The following MAP2K5 variants were observed in gnomAD, a reference collection of about 807,000 sequenced individuals.
The protein encoded by MAP2K5 is dual specificity mitogen-activated protein kinase kinase 5.
A neutral mutation model predicts 83.1 loss-of-function variants in MAP2K5; 49 were observed. That is an observed-to-expected ratio of 0.59 (90% confidence interval 0.47 to 0.75). MAP2K5 has a LOEUF of 0.75. MAP2K5 is among the 30% of genes least tolerant of loss of function. The pLI, the probability that MAP2K5 is intolerant of heterozygous loss-of-function variation, is 0.00. For synonymous variants in MAP2K5, 202 were observed against 191.8 expected (o/e 1.05, Z -0.44); for missense variants, 457 against 557.5 (o/e 0.82, Z 1.82).
At chr15:67,743,960 C>T (rs207475571) in intron 17 of MAP2K5, among the ~76,000 whole-genome samples, 3 of 152,146 alleles carry the variant, frequency 2.0e-5, no homozygotes, top group Non-Finnish European at 4.4e-5. Flanking sequence ...AAAGTTCATG[C>T]GTTTTCCTCA....
chr15:67,793,418 T>G lies in MAP2K5; in HGVS notation c.1243-13228T>G, dbSNP rs2090551577. Among the ~76,000 whole-genome samples the G allele has an allele frequency of 6.6e-6, 1 of 152,204 alleles. No homozygotes were observed. The highest frequency in any genetic ancestry group is 1.5e-5 in the Non-Finnish European group (1 of 68,040). On this transcript the variant is annotated intron_variant, in intron 21 of 21. Transcript: ENST00000178640. The surrounding 1 kb of genome is among the most constrained non-coding windows in gnomAD (Gnocchi z 4.6). Reference sequence around the variant, plus strand: ...TGGTTGACCCCAAGCTGGTTTTTTGTTTTTGTTGTATAGTTTTGCTAGTAG... The same window carrying G: ...TGGTTGACCCCAAGCTGGTTTTTTGGTTTTGTTGTATAGTTTTGCTAGTAG...
chr15:67,783,092 T>C lies in MAP2K5; in HGVS notation c.1242+10340T>C, dbSNP rs1231312184. On this transcript the variant is annotated intron_variant, in intron 21 of 21. Coordinates refer to ENST00000178640, the MANE Select transcript of MAP2K5 (RefSeq NM_145160.3). The surrounding 1 kb of genome is among the most constrained non-coding windows in gnomAD (Gnocchi z 5.1). ...GTTGTGAGACATGGAGAGAAGCCGA[T>C]GTGGGAATCACAGATGTGCATTTCA... Among the ~76,000 whole-genome samples, 4 of 152,230 alleles carry C rather than the reference T, an allele frequency of 2.6e-5. No individual in the cohort carries two copies. The highest frequency in any genetic ancestry group is 1.3e-4 in the Admixed American group (2 of 15,286).
chr15:67,721,529 A>T (rs574493316), intron 16 of MAP2K5, among the ~76,000 whole-genome samples: 13 of 152,328 alleles, frequency 8.5e-5, no homozygotes, highest in African/African-American at 3.1e-4. Flanking sequence ...CACCCACTGC[A>T]CTAGAAGTCT....
intron 8 of MAP2K5, among the ~76,000 whole-genome samples, chr15:67,616,142 A>G (rs1370900884): frequency 6.7e-6 from 1 of 149,982 alleles, no homozygotes; most frequent in Non-Finnish European, 1.5e-5. Context: ...TTCTAAATTT[A>G]CATAAAAGCA....
At chr15:67,734,232 A>G (rs1809407926) in intron 17 of MAP2K5, among the ~76,000 whole-genome samples, 1 of 152,204 alleles carries the variant, frequency 6.6e-6, no homozygotes, top group African/African-American at 2.4e-5. Flanking sequence ...TTGTATTAAC[A>G]TGATCTAAGG....
At chr15:67,718,123 G>T (rs1321152177) in intron 16 of MAP2K5, 1 of 152,228 alleles carries the variant, frequency 6.6e-6, no homozygotes, top group Non-Finnish European at 1.5e-5. Flanking sequence ...GAGGCCAGAA[G>T]TATGAGAATA....
chr15:67,671,415 T>C (rs2087531804), intron 13 of MAP2K5, among the ~76,000 whole-genome samples: 1 of 152,192 alleles, frequency 6.6e-6, no homozygotes, highest in South Asian at 2.1e-4. Context: ...TGAAATGTTT[T>C]AAAACTGAAG....
intron 6 of MAP2K5, chr15:67,588,139 A>G (rs2085326076): frequency 1.0e-6 from 1 of 983,664 alleles, no homozygotes; most frequent in East Asian, 1.1e-4. Context: ...GCAGGTGAGC[A>G]GTGAAGAGCC....
In MAP2K5 at chr15:67,636,408, A is replaced by C. The variant is rs2086604936; in HGVS notation, c.585+5481A>C. On this transcript the variant is annotated intron_variant, in intron 9 of 21. Coordinates refer to ENST00000178640, the MANE Select transcript of MAP2K5 (RefSeq NM_145160.3). This position sits in a 1 kb window ranked among gnomAD's most constrained non-coding sequence, Gnocchi z 4.7. ...GGGCAACAGAATAAGACTCCGTCTC[A>C]AAAAAAAAAAAAAAGTATGAAATAT... Among the ~76,000 whole-genome samples, 1 of 136,332 alleles carries C rather than the reference A, an allele frequency of 7.3e-6. No homozygotes were observed. Among genetic ancestry groups the C allele is most frequent in the Non-Finnish European group, 1.6e-5 (1 of 61,648 alleles). 89.4% of individuals were successfully genotyped at this position (136,332 alleles called of 152,430 possible).
Position 67,777,228 on chromosome 15 carries a change from T to C in MAP2K5, c.1242+4476T>C, listed in dbSNP as rs1347679013. 1.3e-5 allele frequency among the ~76,000 whole-genome samples: 2 copies of C among 152,122 alleles called. No individual in the cohort carries two copies. Among genetic ancestry groups the C allele is most frequent in the Non-Finnish European group, 2.9e-5 (2 of 68,008 alleles). On this transcript the variant is annotated intron_variant, in intron 21 of 21. Transcript: ENST00000178640. This position sits in a 1 kb window ranked among gnomAD's most constrained non-coding sequence, Gnocchi z 6.0. ...ACCAGCTGTCAGGCAGCCCTTTAACTTCCCTGCCTAGCCTGATTGTGGGCC... is the reference window on the plus strand; with the variant it reads ...ACCAGCTGTCAGGCAGCCCTTTAACCTCCCTGCCTAGCCTGATTGTGGGCC...
rs1271559116 is a variant in MAP2K5 at position 67,708,620 on chromosome 15, C to G, written c.1044+5212C>G. On this transcript the variant is annotated intron_variant, in intron 16 of 21. Transcript: ENST00000178640. The surrounding 1 kb of genome is among the most constrained non-coding windows in gnomAD (Gnocchi z 4.9). Reference sequence around the variant, plus strand: ...CTAGGACTACAGGTGTACCACTGCACCTGGCTGAACGCCTTCATTGTTTTA... The same window carrying G: ...CTAGGACTACAGGTGTACCACTGCAGCTGGCTGAACGCCTTCATTGTTTTA... Among the ~76,000 whole-genome samples, 1 of 152,100 alleles carries G rather than the reference C, an allele frequency of 6.6e-6. No individual in the cohort carries two copies. Among genetic ancestry groups the G allele is most frequent in the Non-Finnish European group, 1.5e-5 (1 of 68,006 alleles).
chr15:67,766,329 A>G (rs937111149), intron 19 of MAP2K5, among the ~76,000 whole-genome samples: 1 of 152,220 alleles, frequency 6.6e-6, no homozygotes, highest in African/African-American at 2.4e-5. Flanking sequence ...TCTGGAAGAA[A>G]AGCCCTTAAG....
intron 4 of MAP2K5, among the ~76,000 whole-genome samples, chr15:67,581,754 AT>A (rs2085182916): frequency 6.6e-6 from 1 of 152,204 alleles, no homozygotes. Context: ...GTAGGCTCCT[AT>A]TTGCACTGAT....
intron 13 of MAP2K5, among the ~76,000 whole-genome samples, chr15:67,684,605 C>T (rs558134074): frequency 3.9e-5 from 6 of 152,094 alleles, no homozygotes; most frequent in East Asian, 3.9e-4. Flanking sequence ...AGACTATAAC[C>T]GGGAAAAAAT....
Position 67,658,535 on chromosome 15 carries a change from G to T in MAP2K5, c.737-18G>T. 1 of 1,600,614 alleles carries T rather than the reference G, an allele frequency of 6.2e-7. No individual in the cohort carries two copies. ...TGGTAATTTCATTTGTAGTAACATGGCATGTTTATCTCTACAGGGGGATCT... is the reference window on the plus strand; with the variant it reads ...TGGTAATTTCATTTGTAGTAACATGTCATGTTTATCTCTACAGGGGGATCT... On this transcript the variant is annotated intron_variant, in intron 11 of 21. Coordinates refer to ENST00000178640, the MANE Select transcript of MAP2K5 (RefSeq NM_145160.3).
chr15:67,754,392 C>T (rs1357049025), intron 19 of MAP2K5, among the ~76,000 whole-genome samples: 5 of 152,278 alleles, frequency 3.3e-5, no homozygotes, highest in South Asian at 2.1e-4. Flanking sequence ...CATTCCATTT[C>T]GTAGAAGACT....
intron 13 of MAP2K5, among the ~76,000 whole-genome samples, chr15:67,671,946 AATG>A (rs2087550690): frequency 6.6e-6 from 1 of 151,454 alleles, no homozygotes. Flanking sequence ...GTTTACTGAG[AATG>A]ATGATTTCCA....
intron 1 of MAP2K5, among the ~76,000 whole-genome samples, chr15:67,547,792 G>A (rs746096036): frequency 2.0e-5 from 3 of 152,068 alleles, no homozygotes; most frequent in Non-Finnish European, 4.4e-5. Context: ...GGTTAGTTAG[G>A]TACATGTTAT....
At chr15:67,651,536 C>A (rs60338025) in intron 11 of MAP2K5, among the ~76,000 whole-genome samples, 2 of 152,304 alleles carry the variant, frequency 1.3e-5, no homozygotes, top group East Asian at 3.9e-4. Context: ...TTTCTCACTA[C>A]CCTTCTCAGT....
Sources: allele counts gnomAD v4.1 joint callset (sites outside exome capture counted in the v4.1 genomes callset), GRCh38; gene constraint gnomAD v4.1.1; non-coding constraint Gnocchi (gnomAD v3.1); transcripts MANE v1.5; gene names NCBI Gene and HGNC (gene_info 2026-07-23, HGNC 2026-07-21).